The following SPECC1 variants were observed in gnomAD, a reference collection of about 807,000 sequenced individuals.
SPECC1 encodes the protein cytospin-B.
A neutral mutation model predicts 104.1 loss-of-function variants in SPECC1; 62 were observed. The observed-to-expected ratio is 0.60, with a 90% CI of 0.49 to 0.74. The LOEUF (loss-of-function observed/expected upper bound fraction) is 0.74. SPECC1 is among the 30% of genes least tolerant of loss of function. SPECC1 has a pLI of 0.00. For synonymous variants in SPECC1, 513 were observed against 501.6 expected (o/e 1.02, Z -0.30); for missense variants, 1,306 against 1,310.5 (o/e 1.00, Z 0.05).
At chr17:20,051,113 TTTCTTTCTTTCTTTCTTTCTTTCTTTCC>T (rs1567813489) in intron 1 of SPECC1, among the ~76,000 whole-genome samples, 148 of 129,096 alleles carry the variant, frequency 1.1e-3, no homozygotes, top group African/African-American at 4.0e-3. Flanking sequence ...TCTTTCTTTC[TTTCTTTCTTTCTTTCTTTCTTTCTTTCC>T]TTCTTTCCTT....
chr17:20,100,516 C>T (rs2047895225), intron 2 of SPECC1, among the ~76,000 whole-genome samples: 1 of 152,178 alleles, frequency 6.6e-6, no homozygotes, highest in South Asian at 2.1e-4. Flanking sequence ...CTACAGTTAG[C>T]ATCTCACTAT....
At chr17:20,223,196 T>C (rs1483752925) in intron 4 of SPECC1, among the ~76,000 whole-genome samples, 1 of 151,978 alleles carries the variant, frequency 6.6e-6, no homozygotes, top group Non-Finnish European at 1.5e-5. Flanking sequence ...TTAGACTGTT[T>C]TGTAGATCTT....
intron 5 of SPECC1, among the ~76,000 whole-genome samples, chr17:20,230,873 G>A (rs1038861030): frequency 1.3e-5 from 2 of 152,194 alleles, no homozygotes; most frequent in Non-Finnish European, 2.9e-5. Flanking sequence ...CTACTGTGCA[G>A]CATTGATTCC....
At chr17:20,309,525 A>G (rs913335520) in intron 14 of SPECC1, among the ~76,000 whole-genome samples, 1 of 152,162 alleles carries the variant, frequency 6.6e-6, no homozygotes, top group Non-Finnish European at 1.5e-5. Flanking sequence ...AGTAGCCGAT[A>G]GTTTTTCAGC....
intron 3 of SPECC1, among the ~76,000 whole-genome samples, chr17:20,165,683 T>C (rs939065011): frequency 6.6e-6 from 1 of 152,186 alleles, no homozygotes; most frequent in African/African-American, 2.4e-5. Context: ...AACAGTGTAT[T>C]TCTCCACAGC....
At chr17:20,084,991 A>G (rs1320901002) in intron 1 of SPECC1, among the ~76,000 whole-genome samples, 2 of 152,248 alleles carry the variant, frequency 1.3e-5, no homozygotes, top group African/African-American at 4.8e-5. Context: ...CTGTGCCCAG[A>G]CAAGGGGCTG....
At chr17:20,148,231 A>G (rs558377168) in intron 3 of SPECC1, among the ~76,000 whole-genome samples, 1 of 152,276 alleles carries the variant, frequency 6.6e-6, no homozygotes, top group Non-Finnish European at 1.5e-5. Flanking sequence ...GTAATATGAT[A>G]AATTTTACTT....
chr17:20,112,716 C>A (rs1229851104), intron 3 of SPECC1: 4 of 1,158,438 alleles, frequency 3.5e-6, no homozygotes, highest in Non-Finnish European at 5.2e-6. Flanking sequence ...GAGGATCCTT[C>A]CGGTCTTAAA....
At chr17:20,015,873 C>G (rs943943961) in intron 1 of SPECC1, among the ~76,000 whole-genome samples, 10 of 149,218 alleles carry the variant, frequency 6.7e-5, no homozygotes, top group Non-Finnish European at 1.5e-4. Flanking sequence ...CGTGAGCCAC[C>G]ACGCCTGGCC....
chr17:20,183,139 G>A (rs1283646404), intron 3 of SPECC1, among the ~76,000 whole-genome samples: 2 of 152,134 alleles, frequency 1.3e-5, no homozygotes, highest in Non-Finnish European at 2.9e-5. Flanking sequence ...AAACAAAGGT[G>A]TTCAACATCA....
intron 2 of SPECC1, among the ~76,000 whole-genome samples, chr17:20,107,160 A>AAAAG (rs1567847887): frequency 2.0e-5 from 3 of 150,088 alleles, no homozygotes; most frequent in Non-Finnish European, 4.4e-5. Context: ...AAAAAAAAAA[A>AAAAG]AAAAAAAAAG....
chr17:20,029,709 C>T (rs927296769), intron 1 of SPECC1, among the ~76,000 whole-genome samples: 2 of 152,098 alleles, frequency 1.3e-5, no homozygotes, highest in African/African-American at 4.8e-5. Context: ...TGTTGGCACA[C>T]ATTTGTTCGT....
intron 4 of SPECC1, among the ~76,000 whole-genome samples, chr17:20,217,763 C>A (rs576034561): frequency 1.3e-5 from 2 of 151,932 alleles, no homozygotes; most frequent in South Asian, 4.1e-4. Context: ...TTAAATTCAT[C>A]TTCTGGCCAG....
chr17:20,307,384 T>C (rs1173759127), intron 14 of SPECC1, among the ~76,000 whole-genome samples: 1 of 152,238 alleles, frequency 6.6e-6, no homozygotes, highest in Non-Finnish European at 1.5e-5. Context: ...TGCTTGTTCT[T>C]TGTGGTTGAA....
At chr17:20,209,313 TA>T (rs2036983585) in intron 4 of SPECC1, among the ~76,000 whole-genome samples, 1 of 152,094 alleles carries the variant, frequency 6.6e-6, no homozygotes, top group African/African-American at 2.4e-5. Flanking sequence ...TGAATATTAT[TA>T]AAAAGGATAC....
intron 1 of SPECC1, among the ~76,000 whole-genome samples, chr17:20,071,284 A>C (rs1202771252): frequency 1.3e-5 from 2 of 152,148 alleles, no homozygotes; most frequent in African/African-American, 4.8e-5. Context: ...GCCATGATCC[A>C]GTGCTCATCT....
intron 3 of SPECC1, among the ~76,000 whole-genome samples, chr17:20,163,992 A>G (rs1013414574): frequency 6.6e-6 from 1 of 152,194 alleles, no homozygotes; most frequent in Non-Finnish European, 1.5e-5. Context: ...AATAGATCCA[A>G]TTCTCATAAA....
intron 9 of SPECC1, among the ~76,000 whole-genome samples, chr17:20,248,668 G>A (rs376491751): frequency 4.6e-5 from 7 of 152,134 alleles, no homozygotes; most frequent in Non-Finnish European, 8.8e-5. Flanking sequence ...CTTGTGTGTC[G>A]GTGTGGAAAC....
intron 3 of SPECC1, among the ~76,000 whole-genome samples, chr17:20,130,560 G>T (rs749502056): frequency 6.6e-6 from 1 of 152,042 alleles, no homozygotes; most frequent in Non-Finnish European, 1.5e-5. Context: ...TATCAGTTGG[G>T]CATACTTTTA....
Sources: gnomAD v4.1 joint callset for allele counts (sites outside exome capture counted in the v4.1 genomes callset) on GRCh38, gnomAD v4.1.1 for gene constraint, MANE v1.5 for transcripts, NCBI Gene and HGNC (gene_info 2026-07-23, HGNC 2026-07-21) for gene names.